Variants in CEACAM1 observed in about 807,000 individuals in gnomAD.
CEACAM1 encodes cell adhesion molecule CEACAM1.
In CEACAM1, 31 loss-of-function variants were observed where a neutral mutation model predicts 49.1. The ratio of observed to expected loss-of-function variants is 0.63; its 90% CI spans 0.47 to 0.85. CEACAM1 has a LOEUF of 0.85. Among genes scored for constraint, CEACAM1 ranks in the 40% least tolerant of loss-of-function variants. The pLI is 0.00. For missense variants in CEACAM1, 570 were observed against 645.3 expected (o/e 0.88, Z 1.26); for synonymous variants, 244 against 247.8 (o/e 0.98, Z 0.14).
chr19:42,510,091 T>A (rs1025487416), intron 8 of CEACAM1, among the ~76,000 whole-genome samples: 10 of 151,974 alleles, frequency 6.6e-5, no homozygotes, highest in Non-Finnish European at 8.8e-5. Flanking sequence ...AAATGAAAAC[T>A]TCTTTTTTTT....
rs1024665085 is a variant in CEACAM1, at chr19:42,521,266, C to A, written c.958+1G>T. On this transcript the variant is annotated splice_donor_variant, in intron 4 of 8. Coordinates refer to ENST00000161559, the MANE Select transcript of CEACAM1 (RefSeq NM_001712.5). LOFTEE classifies it high-confidence loss of function. ...GTGTTGATGCTCCAGGAATTACTTA[C>A]CAGTGACTATGATCGTCTTGACTGT... is the stretch of plus-strand genomic sequence containing the variant. 3 of 1,613,762 alleles carry A rather than the reference C, an allele frequency of 1.9e-6. No homozygotes were observed. The highest frequency in any genetic ancestry group is 2.5e-6 in the Non-Finnish European group (3 of 1,179,652).
At chr19:42,515,547 G>A (rs907363972) in intron 5 of CEACAM1, among the ~76,000 whole-genome samples, 5 of 152,026 alleles carry the variant, frequency 3.3e-5, no homozygotes, top group Admixed American at 3.3e-4. Context: ...GGTAGTGCTT[G>A]TCTGTAGTTT....
In CEACAM1 at chr19:42,521,512, T is replaced by G. The variant is rs762259893; in HGVS notation, c.713A>C (p.Asp238Ala). ...GTCTGAAGGGGAAATGGTGGGGGTG[T>G]CCGGGCCATCTGGAGCAAAGAGAAT... ...PVTLNVTYGP[D>A]TPTISPSDTY... Residue 238 changes from aspartate (D) to alanine (A), a missense_variant, in exon 4 of 9, where the codon GAC (aspartate) becomes GCC (alanine). Asp to Ala is a moderately radical substitution (Grantham distance 126). Transcript: ENST00000161559. 7 of 1,613,576 alleles carry G rather than the reference T, an allele frequency of 4.3e-6. No individual in the cohort carries two copies. The highest frequency in any genetic ancestry group is 5.9e-6 in the Non-Finnish European group (7 of 1,179,774).
chr19:42,518,864 C>A lies in CEACAM1; in HGVS notation c.1246+84G>T. 7 of 1,440,904 alleles carry A rather than the reference C, an allele frequency of 4.9e-6. No individual in the cohort carries two copies. The South Asian group carries it at 5.8e-5, about 12-fold the overall frequency. 89.3% of individuals were successfully genotyped at this position (1,440,904 alleles called of 1,614,324 possible). ...TAATGGTCTCTTCATTGATATTCTGCCTCCTGTGAGTTTTATCCATTTTGC... is the reference window on the plus strand; with the variant it reads ...TAATGGTCTCTTCATTGATATTCTGACTCCTGTGAGTTTTATCCATTTTGC... On this transcript the variant is annotated intron_variant, in intron 5 of 8. Coordinates refer to ENST00000161559, the MANE Select transcript of CEACAM1 (RefSeq NM_001712.5).
At chr19:42,514,807 C>G (rs1425551863) in intron 5 of CEACAM1, among the ~76,000 whole-genome samples, 1 of 152,122 alleles carries the variant, frequency 6.6e-6, no homozygotes, top group East Asian at 1.9e-4. Flanking sequence ...TGGTAAAAGG[C>G]TTACCTAAAG....
At chr19:42,518,172 C>G (rs1327337830) in intron 5 of CEACAM1, among the ~76,000 whole-genome samples, 1 of 152,164 alleles carries the variant, frequency 6.6e-6, no homozygotes, top group African/African-American at 2.4e-5. Flanking sequence ...TTCCTGTAAT[C>G]CCAGCACTTT....
chr19:42,518,658 C>T (rs1023526844), intron 5 of CEACAM1: 34 of 346,384 alleles, frequency 9.8e-5, no homozygotes, highest in Non-Finnish European at 1.5e-4. Context: ...CCACCATGCC[C>T]GGCTAATTTT....
At chr19:42,518,589 C>A (rs2041658314) in intron 5 of CEACAM1, 1 of 257,236 alleles carries the variant, frequency 3.9e-6, no homozygotes, top group Non-Finnish European at 7.5e-6. Flanking sequence ...GCTCCGCCTC[C>A]CAGGTTCACG....
chr19:42,522,655 G>A (rs1486619343), intron 2 of CEACAM1, among the ~76,000 whole-genome samples: 1 of 151,700 alleles, frequency 6.6e-6, no homozygotes, highest in Non-Finnish European at 1.5e-5. Context: ...TCTTCCTCCC[G>A]GGTTCAAGCG....
Position 42,528,306 on chromosome 19 carries a change from C to T in CEACAM1, c.64+5G>A. The T allele has an allele frequency of 6.2e-7, 1 of 1,613,376 alleles. No homozygotes were observed. Among genetic ancestry groups the T allele is most frequent in the Non-Finnish European group, 8.5e-7 (1 of 1,179,534 alleles). ...CCGCCCCTTCCCAGGGTGTCCTCCC[C>T]TCACCTGTGAGCAGAAGCCCCTGCC... is the stretch of plus-strand genomic sequence containing the variant. On this transcript the variant is annotated splice_donor_5th_base_variant and intron_variant, in intron 1 of 8. Coordinates refer to ENST00000161559, the MANE Select transcript of CEACAM1 (RefSeq NM_001712.5).
chr19:42,527,215 T>C lies in CEACAM1; in HGVS notation c.250A>G (p.Ile84Val). 6.2e-7 allele frequency: 1 copy of C among 1,614,060 alleles called. No individual in the cohort carries two copies. Among genetic ancestry groups the C allele is most frequent in the South Asian group, 1.1e-5 (1 of 91,068 alleles). ...DGNRQIVGYA[I>V]GTQQATPGPA... ...CCTGGGGTAGCTTGTTGAGTTCCTA[T>C]TGCATATCCTACAATTTGACGGTTG... The change falls in exon 2 of 9, where the codon ATA becomes GTA. Residue 84 changes from isoleucine to valine, a missense_variant. By Grantham distance (29) the Ile-to-Val change is conservative. Transcript: ENST00000161559.
chr19:42,518,031 A>G (rs960666154), intron 5 of CEACAM1, among the ~76,000 whole-genome samples: 1 of 152,256 alleles, frequency 6.6e-6, no homozygotes, highest in Admixed American at 6.5e-5. Context: ...GATACATTCT[A>G]CAACATAGAT....
chr19:42,524,972 A>G (rs1317985200), intron 2 of CEACAM1, among the ~76,000 whole-genome samples: 3 of 152,132 alleles, frequency 2.0e-5, no homozygotes, highest in African/African-American at 4.8e-5. Flanking sequence ...AGGTATGGCA[A>G]GAACCTCCCA....
In CEACAM1 at chr19:42,522,060, G is replaced by A. The variant is rs750255440; in HGVS notation, c.567C>T (p.Pro189=). The A allele has an allele frequency of 3.1e-6, 5 of 1,614,070 alleles. No homozygotes were observed. The highest frequency in any genetic ancestry group is 1.3e-5 in the African/African-American group (1 of 74,934). The change falls in exon 3 of 9, where the codon CCC becomes CCT. Residue 189 remains proline, a synonymous_variant. Coordinates refer to ENST00000161559, the MANE Select transcript of CEACAM1 (RefSeq NM_001712.5). ...WINNQSLPVS[P]RLQLSNGNRT... The stretch of plus-strand genomic sequence containing the variant: ...TGTTGCCATTGGACAGCTGCAGCCT[G>A]GGACTGACCGGGAGGCTCTGATTGT...
Position 42,508,699 on chromosome 19 carries a change from T to G in CEACAM1, c.*410A>C, listed in dbSNP as rs1008851492. ...CTCTCTTGTTTCCTGGCACATGTAC[T>G]TAATGGAAAAGGACATAACCTCAAG... On this transcript the variant is annotated 3_prime_UTR_variant, in exon 9 of 9. Transcript: ENST00000161559. 2 of 168,500 alleles carry G rather than the reference T, an allele frequency of 1.2e-5. No homozygotes were observed. The highest frequency in any genetic ancestry group is 5.5e-5 in the Admixed American group (1 of 18,036). The allele number at this position is 168,500 out of a possible 1,614,324, so 10.4% of individuals were successfully genotyped here.
At chr19:42,517,596 G>C (rs2041630455) in intron 5 of CEACAM1, among the ~76,000 whole-genome samples, 1 of 152,162 alleles carries the variant, frequency 6.6e-6, no homozygotes, top group Non-Finnish European at 1.5e-5. Context: ...AATCATTAGG[G>C]AAGTGCAAAT....
intron 5 of CEACAM1, among the ~76,000 whole-genome samples, chr19:42,517,633 T>TACC (rs2041631555): frequency 6.6e-6 from 1 of 152,206 alleles, no homozygotes; most frequent in Non-Finnish European, 1.5e-5. Context: ...TACCACCTTA[T>TACC]AACCATTAGG....
At chr19:42,516,181 C>A (rs2041595404) in intron 5 of CEACAM1, among the ~76,000 whole-genome samples, 3 of 151,254 alleles carry the variant, frequency 2.0e-5, no homozygotes, top group Admixed American at 2.0e-4. Flanking sequence ...CTAGACAGAA[C>A]AATTAGGCAA....
At chr19:42,514,990 G>A (rs1231567336) in intron 5 of CEACAM1, 2 of 661,424 alleles carry the variant, frequency 3.0e-6, no homozygotes, top group Non-Finnish European at 5.5e-6. Flanking sequence ...ACACTATGGG[G>A]CCAGGCGTGG....
Sources: allele counts gnomAD v4.1 joint callset (sites outside exome capture counted in the v4.1 genomes callset), GRCh38; gene constraint gnomAD v4.1.1; transcripts MANE v1.5; gene names NCBI Gene and HGNC (gene_info 2026-07-23, HGNC 2026-07-21).